The following TNKS variants were observed in gnomAD, a reference collection of about 807,000 sequenced individuals.
The protein encoded by TNKS is tankyrase.
In TNKS, 72 loss-of-function variants were observed where a neutral mutation model predicts 135.8. The ratio of observed to expected loss-of-function variants is 0.53; its 90% confidence interval spans 0.44 to 0.64. The LOEUF (loss-of-function observed/expected upper bound fraction) is 0.64. Ranked by LOEUF, TNKS falls within the 30% of genes least tolerant of loss-of-function variation. The pLI, the probability that TNKS is intolerant of heterozygous loss-of-function variation, is 0.00. For missense variants in TNKS, 1,769 were observed against 1,674.0 expected (o/e 1.06, Z -0.99); for synonymous variants, 849 against 649.3 (o/e 1.31, Z -4.68).
intron 1 of TNKS, among the ~76,000 whole-genome samples, chr8:9,560,847 A>C (rs1381415555): frequency 1.3e-5 from 2 of 152,006 alleles, no homozygotes; most frequent in Non-Finnish European, 2.9e-5. Context: ...ACTTTTCTGA[A>C]GGTACCTCTT....
At chr8:9,671,797 C>T (rs551387089) in intron 3 of TNKS, among the ~76,000 whole-genome samples, 1 of 152,314 alleles carries the variant, frequency 6.6e-6, no homozygotes, top group African/African-American at 2.4e-5. Flanking sequence ...ATAGTAGTCA[C>T]CCCTTATCCA....
chr8:9,591,054 A>G (rs186034569), intron 2 of TNKS, among the ~76,000 whole-genome samples: 1 of 152,332 alleles, frequency 6.6e-6, no homozygotes. Context: ...GGTCTGATGC[A>G]TTTGGAATTG....
At chr8:9,620,183 C>T (rs973321766) in intron 3 of TNKS, among the ~76,000 whole-genome samples, 9 of 152,142 alleles carry the variant, frequency 5.9e-5, no homozygotes, top group Admixed American at 3.9e-4. Flanking sequence ...CTCCTGACCT[C>T]GTGATCCGCT....
At chr8:9,670,447 A>C (rs1282175299) in intron 3 of TNKS, among the ~76,000 whole-genome samples, 1 of 152,166 alleles carries the variant, frequency 6.6e-6, no homozygotes, top group Non-Finnish European at 1.5e-5. Flanking sequence ...TAATTTTCTT[A>C]TCTGAATATA....
At chr8:9,744,930 A>G (rs1489760592) in intron 17 of TNKS, among the ~76,000 whole-genome samples, 2 of 152,250 alleles carry the variant, frequency 1.3e-5, no homozygotes, top group African/African-American at 4.8e-5. Flanking sequence ...CCAGATATAC[A>G]ATTCATTTTA....
intron 11 of TNKS, among the ~76,000 whole-genome samples, chr8:9,719,929 G>C (rs1038591835): frequency 1.3e-5 from 2 of 152,098 alleles, no homozygotes; most frequent in Non-Finnish European, 2.9e-5. Context: ...AATTAGAAAA[G>C]AAATATAATC....
rs1808321789 is a variant in TNKS at position 9,778,403 on chromosome 8, G to T, written c.*1667G>T. 6.6e-6 allele frequency: 1 copy of T among 152,492 alleles called. No individual in the cohort carries two copies. Among genetic ancestry groups the T allele is most frequent in the Admixed American group, 6.6e-5 (1 of 15,264 alleles). The allele number at this position is 152,492 out of a possible 1,614,324, so 9.4% of individuals were successfully genotyped here. ...TAATCTCCTGAAGCAAAATAAAATG[G>T]TTACATGCAAAACTTCTAGAAATAG... On this transcript the variant is annotated 3_prime_UTR_variant, in exon 27 of 27. Coordinates refer to ENST00000310430, the MANE Select transcript of TNKS (RefSeq NM_003747.3).
intron 20 of TNKS, among the ~76,000 whole-genome samples, chr8:9,758,981 T>C (rs1806997923): frequency 6.6e-6 from 1 of 152,206 alleles, no homozygotes; most frequent in Admixed American, 6.5e-5. Flanking sequence ...CACGTGCTTA[T>C]TGGCAGGATT....
Position 9,735,499 on chromosome 8 carries a change from A to C in TNKS, c.2643+13A>C. The C allele has an allele frequency of 6.2e-7, 1 of 1,607,774 alleles. No homozygotes were observed. Among genetic ancestry groups the C allele is most frequent in the Non-Finnish European group, 8.5e-7 (1 of 1,174,256 alleles). Reference sequence around the variant, plus strand: ...GGCATCTTATGGGGTAAGCATACTAACATTAAAATCTAGAAAACTGACCGC... The same window carrying C: ...GGCATCTTATGGGGTAAGCATACTACCATTAAAATCTAGAAAACTGACCGC... On this transcript the variant is annotated intron_variant, in intron 17 of 26. Coordinates refer to ENST00000310430, the MANE Select transcript of TNKS (RefSeq NM_003747.3).
intron 3 of TNKS, among the ~76,000 whole-genome samples, chr8:9,619,213 A>G (rs1272811575): frequency 6.6e-6 from 1 of 152,204 alleles, no homozygotes; most frequent in Non-Finnish European, 1.5e-5. Flanking sequence ...TCTTTTTTAA[A>G]AAGGCTGCGC....
intron 13 of TNKS, among the ~76,000 whole-genome samples, chr8:9,729,298 C>T (rs1196663402): frequency 1.3e-5 from 2 of 152,088 alleles, no homozygotes; most frequent in Admixed American, 1.3e-4. Context: ...ACATTCAACC[C>T]GTAGCACTCC....
At chr8:9,599,314 A>G (rs1798924612) in intron 2 of TNKS, among the ~76,000 whole-genome samples, 1 of 152,142 alleles carries the variant, frequency 6.6e-6, no homozygotes, top group South Asian at 2.1e-4. Flanking sequence ...GATACGAGAG[A>G]GTGTTTATTG....
At chr8:9,694,497 C>T (rs1486064682) in intron 5 of TNKS, among the ~76,000 whole-genome samples, 1 of 152,074 alleles carries the variant, frequency 6.6e-6, no homozygotes, top group Non-Finnish European at 1.5e-5. Context: ...CATGGTGGCT[C>T]ACACCTGTAA....
chr8:9,763,793 G>A (rs1413490083), intron 22 of TNKS, among the ~76,000 whole-genome samples: 4 of 152,106 alleles, frequency 2.6e-5, no homozygotes, highest in Non-Finnish European at 1.5e-5. Context: ...CTCCACTGAC[G>A]GCTTATGCAT....
intron 11 of TNKS, among the ~76,000 whole-genome samples, chr8:9,712,845 A>T (rs1053989671): frequency 6.6e-6 from 1 of 152,204 alleles, no homozygotes; most frequent in Admixed American, 6.5e-5. Context: ...AGCTGTAATC[A>T]TGCCACTACA....
chr8:9,717,661 G>C (rs1382958355), intron 11 of TNKS, among the ~76,000 whole-genome samples: 1 of 152,090 alleles, frequency 6.6e-6, no homozygotes, highest in African/African-American at 2.4e-5. Flanking sequence ...TTTATACAAG[G>C]CATGGTACTT....
chr8:9,775,328 C>T (rs1177021234), intron 26 of TNKS, among the ~76,000 whole-genome samples: 1 of 151,540 alleles, frequency 6.6e-6, no homozygotes, highest in African/African-American at 2.4e-5. Context: ...ACTGAGACTT[C>T]AGATTGGAAA....
Position 9,726,630 on chromosome 8 carries a change from C to G in TNKS, c.1922-11C>G. On this transcript the variant is annotated splice_polypyrimidine_tract_variant and intron_variant, in intron 12 of 26. Coordinates refer to ENST00000310430, the MANE Select transcript of TNKS (RefSeq NM_003747.3). ...GATATATATATGAGTTCTTTCCTTCCTTTTATGCAGAGAGTACACCTATAC... is the reference window on the plus strand; with the variant it reads ...GATATATATATGAGTTCTTTCCTTCGTTTTATGCAGAGAGTACACCTATAC... 1 of 1,595,408 alleles carries G rather than the reference C, an allele frequency of 6.3e-7. No homozygotes were observed. The highest frequency in any genetic ancestry group is 2.2e-5 in the East Asian group (1 of 44,538).
Position 9,708,354 on chromosome 8 carries a change from C to A in TNKS, c.1457-17C>A. The A allele has an allele frequency of 2.6e-6, 4 of 1,539,772 alleles. No individual in the cohort carries two copies. In the South Asian group the frequency reaches 3.9e-5, roughly 15 times the overall value. The stretch of plus-strand genomic sequence containing the variant: ...TTTTTACATCTTTTTTTATGTCAAC[C>A]ATTGTTTCATTGACAGATGAATTTA... On this transcript the variant is annotated splice_polypyrimidine_tract_variant and intron_variant, in intron 8 of 26. Transcript: ENST00000310430.
Sources: allele counts gnomAD v4.1 joint callset (sites outside exome capture counted in the v4.1 genomes callset), GRCh38; gene constraint gnomAD v4.1.1; transcripts MANE v1.5; gene names NCBI Gene and HGNC (gene_info 2026-07-23, HGNC 2026-07-21).